KCNMB4: variants seen among roughly 807,000 people sequenced by gnomAD.
The protein encoded by KCNMB4 is potassium calcium-activated channel subfamily M regulatory beta subunit 4.
A neutral mutation model predicts 20.7 loss-of-function variants in KCNMB4; 3 were observed. The observed-to-expected ratio is 0.14, with a 90% CI of 0.07 to 0.37. KCNMB4 has a LOEUF of 0.37. KCNMB4 is among the 10% of genes least tolerant of loss of function. KCNMB4 has a pLI of 1.00. For synonymous variants in KCNMB4, 110 were observed against 113.4 expected, an observed-to-expected ratio of 0.97 and a Z score of 0.19; for missense variants, 168 against 265.9, an observed-to-expected ratio of 0.63 and a Z score of 2.56.
intron 2 of KCNMB4, among the ~76,000 whole-genome samples, chr12:70,408,170 T>C (rs1298378333): frequency 6.6e-6 from 1 of 152,090 alleles, no homozygotes; most frequent in African/African-American, 2.4e-5. Flanking sequence ...AGACAGGATT[T>C]TTCAGCGACT....
At position 70,367,039 on chromosome 12, in the gene KCNMB4, G is replaced by A; in HGVS notation, c.305G>A (p.Ser102Asn). The part of the protein sequence containing the change: ...SESNSRALLH[S>N]DEHQLLTNPK... The stretch of plus-strand genomic sequence containing the variant: ...TCCAACTCTAGGGCGCTGCTGCACA[G>A]CGACGAGCACCAGCTCCTGACCAAC... The change falls in exon 1 of 3, where the codon AGC (serine) becomes AAC (asparagine). Residue 102 changes from serine to asparagine, a missense_variant. Coordinates refer to ENST00000258111, the MANE Select transcript of KCNMB4 (RefSeq NM_014505.6). The A allele has an allele frequency of 6.4e-7, 1 of 1,559,010 alleles. No individual in the cohort carries two copies. Among genetic ancestry groups the A allele is most frequent in the Non-Finnish European group, 8.7e-7 (1 of 1,146,528 alleles).
intron 1 of KCNMB4, among the ~76,000 whole-genome samples, chr12:70,383,364 T>C (rs1241443707): frequency 6.6e-6 from 1 of 152,230 alleles, no homozygotes; most frequent in Non-Finnish European, 1.5e-5. Flanking sequence ...AGTTGGTACA[T>C]ATTAAATTGG....
chr12:70,416,751 A>G (rs1354209642), intron 2 of KCNMB4, among the ~76,000 whole-genome samples: 1 of 152,254 alleles, frequency 6.6e-6, no homozygotes, highest in Non-Finnish European at 1.5e-5. Flanking sequence ...TTGAATGTAT[A>G]GTAAAGTATT....
intron 1 of KCNMB4, among the ~76,000 whole-genome samples, chr12:70,390,809 T>C (rs1868293050): frequency 6.6e-6 from 1 of 152,220 alleles, no homozygotes; most frequent in Non-Finnish European, 1.5e-5. Flanking sequence ...ATTGTGACAC[T>C]AACTTGGACC....
chr12:70,394,909 C>G (rs892621002), intron 1 of KCNMB4, among the ~76,000 whole-genome samples: 3 of 152,106 alleles, frequency 2.0e-5, no homozygotes, highest in African/African-American at 7.2e-5. Context: ...TCAAGTGATC[C>G]TCCTGCCTCA....
intron 1 of KCNMB4, among the ~76,000 whole-genome samples, chr12:70,399,837 C>T (rs891029979): frequency 2.0e-5 from 3 of 152,148 alleles, no homozygotes; most frequent in African/African-American, 7.2e-5. Context: ...TGCCAAGGTT[C>T]ATAGATAGCA....
At chr12:70,415,964 A>G (rs1042560432) in intron 2 of KCNMB4, among the ~76,000 whole-genome samples, 9 of 152,204 alleles carry the variant, frequency 5.9e-5, no homozygotes, top group Non-Finnish European at 1.3e-4. Context: ...CAAATATCAC[A>G]TGGCTGAATG....
intron 1 of KCNMB4, among the ~76,000 whole-genome samples, chr12:70,381,695 A>G (rs1167864447): frequency 6.6e-6 from 1 of 152,220 alleles, no homozygotes; most frequent in Middle Eastern, 3.2e-3. Flanking sequence ...CTGAAAGTAG[A>G]TTAGTGGTTG....
intron 1 of KCNMB4, among the ~76,000 whole-genome samples, chr12:70,398,402 A>G (rs1174733356): frequency 6.6e-6 from 1 of 152,196 alleles, no homozygotes; most frequent in Non-Finnish European, 1.5e-5. Context: ...CTGGAGCCCT[A>G]TCTAATGGTC....
chr12:70,411,786 A>G (rs1474528908), intron 2 of KCNMB4, among the ~76,000 whole-genome samples: 1 of 152,204 alleles, frequency 6.6e-6, no homozygotes, highest in Non-Finnish European at 1.5e-5. Flanking sequence ...TAAAAAAAGA[A>G]AAAAGAAAGT....
At chr12:70,382,405 C>T (rs1189109893) in intron 1 of KCNMB4, among the ~76,000 whole-genome samples, 1 of 142,074 alleles carries the variant, frequency 7.0e-6, no homozygotes, top group Non-Finnish European at 1.5e-5. Context: ...AGCACTCCCG[C>T]CTGGGCGACA....
intron 1 of KCNMB4, among the ~76,000 whole-genome samples, chr12:70,399,657 A>G (rs1228487915): frequency 1.3e-5 from 2 of 152,224 alleles, no homozygotes; most frequent in Non-Finnish European, 2.9e-5. Context: ...TGGCTAGGAA[A>G]AGACATCAGT....
intron 2 of KCNMB4, among the ~76,000 whole-genome samples, chr12:70,427,272 G>A (rs565216315): frequency 6.6e-6 from 1 of 152,252 alleles, no homozygotes; most frequent in African/African-American, 2.4e-5. Context: ...CTGAGACAGG[G>A]GAGTGCCTTC....
Position 70,366,989 on chromosome 12 carries a change from C to G in KCNMB4, c.255C>G (p.Val85=). Residue 85 remains valine (V), a synonymous_variant, in exon 1 of 3, where the codon GTC becomes GTG. Transcript: ENST00000258111. ...DCRGTSQYPC[V]QVYVNNSESN... ...GGGGCACCTCGCAGTACCCCTGCGT[C>G]CAGGTCTACGTGAACAACTCTGAGT... 3 of 1,606,866 alleles carry G rather than the reference C, an allele frequency of 1.9e-6. No homozygotes were observed. Among genetic ancestry groups the G allele is most frequent in the Non-Finnish European group, 2.5e-6 (3 of 1,176,572 alleles).
intron 1 of KCNMB4, among the ~76,000 whole-genome samples, chr12:70,382,350 G>A (rs371449371): frequency 1.3e-5 from 2 of 149,570 alleles, no homozygotes; most frequent in South Asian, 2.1e-4. Flanking sequence ...GGAGAATGGC[G>A]TGAACCCGGA....
chr12:70,428,042 A>T (rs993005837), intron 2 of KCNMB4, among the ~76,000 whole-genome samples: 1 of 151,784 alleles, frequency 6.6e-6, no homozygotes, highest in African/African-American at 2.4e-5. Flanking sequence ...TTTTGGAGGC[A>T]GGGTGTCACT....
chr12:70,377,108 C>T (rs955983460), intron 1 of KCNMB4, among the ~76,000 whole-genome samples: 12 of 152,158 alleles, frequency 7.9e-5, no homozygotes, highest in Non-Finnish European at 1.3e-4. Context: ...AGATTCATTA[C>T]AGTCTCTAGC....
intron 2 of KCNMB4, among the ~76,000 whole-genome samples, chr12:70,415,892 C>G (rs1211263756): frequency 6.6e-6 from 1 of 152,182 alleles, no homozygotes; most frequent in Non-Finnish European, 1.5e-5. Context: ...GGATTTACAG[C>G]TGACTAGTGA....
intron 1 of KCNMB4, among the ~76,000 whole-genome samples, chr12:70,393,039 C>T (rs787940): frequency 0.57 from 86,434 of 151,826 alleles, 25,929 homozygotes; most frequent in African/African-American, 0.77. Context: ...AAATTCTGAT[C>T]AGGAGTTATT....
Sources: allele counts gnomAD v4.1 joint callset (sites outside exome capture counted in the v4.1 genomes callset), GRCh38; gene constraint gnomAD v4.1.1; transcripts MANE v1.5; gene names NCBI Gene and HGNC (gene_info 2026-07-23, HGNC 2026-07-21).